The following ZNF214 variants were observed in gnomAD, a reference collection of about 807,000 sequenced individuals.
ZNF214 encodes BWSCR2-associated zinc finger protein 1.
A neutral mutation model predicts 53.9 loss-of-function variants in ZNF214; 43 were observed. That is an observed-to-expected ratio of 0.80 (90% CI 0.63 to 1.03). The LOEUF (loss-of-function observed/expected upper bound fraction) is 1.03, where lower values mean the gene tolerates loss of function less well. Among genes scored for constraint, ZNF214 ranks in the 50% least tolerant of loss-of-function variants. ZNF214 has a pLI of 0.00. For synonymous variants in ZNF214, 217 were observed against 229.5 expected (o/e 0.95, Z 0.49); for missense variants, 724 against 719.1 (o/e 1.01, Z -0.08).
intron 1 of ZNF214, among the ~76,000 whole-genome samples, chr11:7,017,728 G>A (rs540236786): frequency 7.4e-6 from 1 of 135,950 alleles, no homozygotes; most frequent in African/African-American, 2.6e-5. Context: ...GACAGAGCGA[G>A]ACTCCGTCTC....
In ZNF214 at chr11:7,001,567, A is replaced by C. The variant is rs1031269042; in HGVS notation, c.128-12T>G. The stretch of plus-strand genomic sequence containing the variant: ...CTCATTCCAGTTTTCTAGAAAAATA[A>C]AAAGATAATCCCATGGTGAGATAAA... On this transcript the variant is annotated splice_polypyrimidine_tract_variant and intron_variant, in intron 2 of 2. Coordinates refer to ENST00000278314, the MANE Select transcript of ZNF214 (RefSeq NM_013249.4). The C allele has an allele frequency of 6.3e-7, 1 of 1,579,818 alleles. No individual in the cohort carries two copies. Among genetic ancestry groups the C allele is most frequent in the African/African-American group, 1.4e-5 (1 of 73,128 alleles).
chr11:7,018,752 T>C (rs1851839186), intron 1 of ZNF214, among the ~76,000 whole-genome samples: 1 of 152,140 alleles, frequency 6.6e-6, no homozygotes, highest in Non-Finnish European at 1.5e-5. Context: ...TCCGCCCACC[T>C]TGGCCTCTCA....
At chr11:7,013,660 C>T (rs12285845) in intron 1 of ZNF214, among the ~76,000 whole-genome samples, 88,385 of 152,084 alleles carry the variant, frequency 0.58, 26,621 homozygotes, top group East Asian at 0.74. Context: ...TTCCCACCTC[C>T]TTTTCTCTCT....
intron 1 of ZNF214, among the ~76,000 whole-genome samples, chr11:7,017,931 C>A (rs1851813636): frequency 6.6e-6 from 1 of 152,166 alleles, no homozygotes; most frequent in Non-Finnish European, 1.5e-5. Flanking sequence ...ACGCACAGTA[C>A]ACTTCTATAT....
rs1202610277 is a variant in ZNF214, at chr11:6,997,625, A to C, written c.*2237T>G. Among the ~76,000 whole-genome samples, 1 of 151,418 alleles carries C rather than the reference A, an allele frequency of 6.6e-6. No homozygotes were observed. Among genetic ancestry groups the C allele is most frequent in the Non-Finnish European group, 1.5e-5 (1 of 67,762 alleles). On this transcript the variant is annotated 3_prime_UTR_variant, in exon 3 of 3. Transcript: ENST00000278314. The stretch of plus-strand genomic sequence containing the variant: ...AAGGCCTTTCTTAAATTGTCATTCA[A>C]AAAGAAAATGTTATTATGAGTCCCT...
chr11:7,011,150 G>A (rs148250185), intron 1 of ZNF214, among the ~76,000 whole-genome samples: 3 of 152,142 alleles, frequency 2.0e-5, no homozygotes, highest in African/African-American at 4.8e-5. Flanking sequence ...AAAGTAGAGA[G>A]TGAAAATTGC....
chr11:7,004,774 A>C (rs1383805494), intron 1 of ZNF214, among the ~76,000 whole-genome samples: 1 of 152,088 alleles, frequency 6.6e-6, no homozygotes, highest in Non-Finnish European at 1.5e-5. Flanking sequence ...CTATCTTAGA[A>C]GTGGATCCTC....
rs996764541 is a variant in ZNF214 at position 6,997,512 on chromosome 11, T to C, written c.*2350A>G. On this transcript the variant is annotated 3_prime_UTR_variant, in exon 3 of 3. Transcript: ENST00000278314. ...ATTGCTACAGAGACTGAATAATTTT[T>C]GCTTTTATCTTCTCCCATTTTGAAA... Among the ~76,000 whole-genome samples, 1 of 151,700 alleles carries C rather than the reference T, an allele frequency of 6.6e-6. No individual in the cohort carries two copies. The highest frequency in any genetic ancestry group is 6.6e-5 in the Admixed American group (1 of 15,210).
rs757801978 is a variant in ZNF214, at chr11:6,998,047, C to T, written c.*1815G>A. 7.9e-5 allele frequency among the ~76,000 whole-genome samples: 12 copies of T among 151,862 alleles called. No individual in the cohort carries two copies. Among genetic ancestry groups the T allele is most frequent in the Admixed American group, 2.0e-4 (3 of 15,210 alleles). Reference sequence around the variant, plus strand: ...ACAAACTCTCTTTAAGGCACATATACGCTACACTGTTTTCTTGCTTATCAA... The same window carrying T: ...ACAAACTCTCTTTAAGGCACATATATGCTACACTGTTTTCTTGCTTATCAA... On this transcript the variant is annotated 3_prime_UTR_variant, in exon 3 of 3. Coordinates refer to ENST00000278314, the MANE Select transcript of ZNF214 (RefSeq NM_013249.4).
At chr11:7,011,589 A>G (rs780486020) in intron 1 of ZNF214, among the ~76,000 whole-genome samples, 17 of 152,124 alleles carry the variant, frequency 1.1e-4, no homozygotes, top group Admixed American at 2.0e-4. Context: ...GAAACTTCAC[A>G]TATATTCCCT....
rs2133375743 is a variant in ZNF214 at position 6,999,579 on chromosome 11, T to G, written c.*283A>C. On this transcript the variant is annotated 3_prime_UTR_variant, in exon 3 of 3. Coordinates refer to ENST00000278314, the MANE Select transcript of ZNF214 (RefSeq NM_013249.4). ...CATTAAAATGCACAGAAAAAAAGAC[T>G]AGAATGAAATAGAATGAAGAGTTTT... The G allele has an allele frequency of 4.6e-6, 1 of 218,928 alleles. No individual in the cohort carries two copies. Among genetic ancestry groups the G allele is most frequent in the Non-Finnish European group, 8.9e-6 (1 of 112,086 alleles). The allele number at this position is 218,928 out of a possible 1,614,324, so 13.6% of individuals were successfully genotyped here. A position where few individuals can be genotyped will look rare whatever the true frequency, so the allele number is the denominator to read the frequency against.
At chr11:7,002,949 T>C in intron 1 of ZNF214, 94 bp from the exon 2 acceptor site, 1 of 1,270,254 alleles carries the variant, frequency 7.9e-7, no homozygotes, top group Admixed American at 3.2e-5. Context: ...AACAAGAACT[T>C]CAGTAAAGGA....
intron 1 of ZNF214, among the ~76,000 whole-genome samples, chr11:7,013,944 T>C (rs1589845034): frequency 6.6e-6 from 1 of 152,196 alleles, no homozygotes; most frequent in Non-Finnish European, 1.5e-5. Flanking sequence ...AGTATACTTA[T>C]TAAAATTCAA....
rs1258308754 is a variant in ZNF214, at chr11:7,000,351, A to G, written c.1332T>C (p.Cys444=). Reference sequence around the variant, plus strand: ...GACTAAAGTCCTTTCCACAGTCATCACATTTATAAGGTTTCTCTCCTGTAT... The same window carrying G: ...GACTAAAGTCCTTTCCACAGTCATCGCATTTATAAGGTTTCTCTCCTGTAT... ...RVHTGEKPYK[C]DDCGKDFSHS... The change falls in exon 3 of 3, where the codon TGT becomes TGC. Residue 444 remains cysteine, a synonymous_variant. Transcript: ENST00000278314. The G allele has an allele frequency of 6.8e-6, 11 of 1,613,310 alleles. No individual in the cohort carries two copies. The highest frequency in any genetic ancestry group is 2.7e-5 in the African/African-American group (2 of 74,856).
chr11:7,017,146 A>G (rs965756840), intron 1 of ZNF214, among the ~76,000 whole-genome samples: 1 of 152,210 alleles, frequency 6.6e-6, no homozygotes, highest in African/African-American at 2.4e-5. Context: ...GTCAACGAAT[A>G]TATGTGAAAA....
chr11:7,015,879 C>G (rs10839688), intron 1 of ZNF214: 87,149 of 151,882 alleles, frequency 0.57, 25,942 homozygotes, highest in East Asian at 0.74. Context: ...GCTTGACATA[C>G]AAGTAGAGAA....
Position 7,000,302 on chromosome 11 carries a change from GATGA to G in ZNF214, c.1377_1380del (p.His460ArgfsTer153). On this transcript the variant is annotated frameshift_variant, in exon 3 of 3. Coordinates refer to ENST00000278314, the MANE Select transcript of ZNF214 (RefSeq NM_013249.4). LOFTEE classifies it high-confidence loss of function. ...GGTTTCTCCCCTGTATGGACTCTCT[GATGA>G]ATGCGAAGATCTGAGCTGTGACTAA... The G allele has an allele frequency of 6.2e-7, 1 of 1,613,306 alleles. No individual in the cohort carries two copies. Among genetic ancestry groups the G allele is most frequent in the Non-Finnish European group, 8.5e-7 (1 of 1,179,562 alleles).
Position 7,010,286 on chromosome 11 carries a change from G to T in ZNF214, c.-20-7431C>A, listed in dbSNP as rs1851574110. On this transcript the variant is annotated intron_variant, in intron 1 of 2. Coordinates refer to ENST00000278314, the MANE Select transcript of ZNF214 (RefSeq NM_013249.4). ...CCTTTGCAGCAACATGGATGGAGCT[G>T]CAGGCCATTATCCTAAGTGAACTAA... 2.0e-5 allele frequency among the ~76,000 whole-genome samples: 3 copies of T among 152,076 alleles called. No individual in the cohort carries two copies. The South Asian group carries it at 6.2e-4, about 32-fold the overall frequency.
Position 7,001,345 on chromosome 11 carries a change from A to G in ZNF214, c.338T>C (p.Val113Ala). The G allele has an allele frequency of 6.2e-7, 1 of 1,613,212 alleles. No individual in the cohort carries two copies. Among genetic ancestry groups the G allele is most frequent in the East Asian group, 2.2e-5 (1 of 44,856 alleles). Residue 113 changes from valine (V) to alanine (A), a missense_variant, in exon 3 of 3, where the codon GTA becomes GCA. Physicochemically the swap from Val to Ala is moderately conservative, Grantham distance 64. Coordinates refer to ENST00000278314, the MANE Select transcript of ZNF214 (RefSeq NM_013249.4). Reference protein sequence around the residue: ...CQEWLILSTQVPGYGNYELTF... With the variant: ...CQEWLILSTQAPGYGNYELTF... Reference sequence around the variant, plus strand: ...CAGTTCATAGTTCCCATACCCTGGTACTTGTGTGGAGAGTATTAACCATTC... The same window carrying G: ...CAGTTCATAGTTCCCATACCCTGGTGCTTGTGTGGAGAGTATTAACCATTC...
Sources: allele counts gnomAD v4.1 joint callset (sites outside exome capture counted in the v4.1 genomes callset), GRCh38; gene constraint gnomAD v4.1.1; transcripts MANE v1.5; gene names NCBI Gene and HGNC (gene_info 2026-07-23, HGNC 2026-07-21).